Variants in GPRIN3 observed in about 807,000 individuals in gnomAD.
GPRIN3 encodes GPRIN family member 3.
A neutral mutation model predicts 13.7 loss-of-function variants in GPRIN3; 12 were observed. The observed-to-expected ratio is 0.87, with a 90% CI of 0.56 to 1.42. The LOEUF (loss-of-function observed/expected upper bound fraction) is 1.42. GPRIN3 is among the 40% of genes most tolerant of loss of function. The probability of loss-of-function intolerance (pLI) is 0.00; values close to 1 mark genes in which losing one functional copy is unlikely to be tolerated. For missense variants in GPRIN3, 1,009 were observed against 958.7 expected, an observed-to-expected ratio of 1.05 and a Z score of -0.69; for synonymous variants, 377 against 372.7, an observed-to-expected ratio of 1.01 and a Z score of -0.13.
At chr4:89,305,846 A>C (rs990493965) in intron 1 of GPRIN3, among the ~76,000 whole-genome samples, 15 of 152,232 alleles carry the variant, frequency 9.9e-5, no homozygotes, top group African/African-American at 3.4e-4. Context: ...ATTGACACTG[A>C]TCTGACTCAT....
chr4:89,269,319 T>A (rs774800073), intron 1 of GPRIN3, among the ~76,000 whole-genome samples: 18 of 152,094 alleles, frequency 1.2e-4, no homozygotes, highest in Non-Finnish European at 2.4e-4. Context: ...GCCTGCTGAA[T>A]GTGGGAAGCA....
chr4:89,262,441 T>C (rs1723657451), intron 1 of GPRIN3, among the ~76,000 whole-genome samples: 1 of 152,188 alleles, frequency 6.6e-6, no homozygotes, highest in Admixed American at 6.5e-5. Context: ...TATGAACTTA[T>C]TACCTACTCA....
At chr4:89,303,786 T>C (rs1479614412) in intron 1 of GPRIN3, among the ~76,000 whole-genome samples, 1 of 149,228 alleles carries the variant, frequency 6.7e-6, no homozygotes, top group Non-Finnish European at 1.5e-5. Context: ...ATATAAAATA[T>C]GTATATATGT....
chr4:89,307,625 C>G lies in GPRIN3; in HGVS notation c.-134G>C, dbSNP rs1041756241. 2 of 152,256 alleles carry G rather than the reference C, an allele frequency of 1.3e-5. No homozygotes were observed. Among genetic ancestry groups the G allele is most frequent in the Non-Finnish European group, 2.9e-5 (2 of 68,128 alleles). The allele number at this position is 152,256 out of a possible 1,614,324, so 9.4% of individuals were successfully genotyped here. A position where few individuals can be genotyped will look rare whatever the true frequency, so the allele number is the denominator to read the frequency against. On this transcript the variant is annotated 5_prime_UTR_variant, in exon 1 of 2. Transcript: ENST00000609438. ...GGGGGCGTCTCCTACCTGCTCTGCC[C>G]GGCTCCGCGGCGCGGCGGGGCCACT...
At chr4:89,273,781 A>G (rs889428596) in intron 1 of GPRIN3, among the ~76,000 whole-genome samples, 17 of 152,348 alleles carry the variant, frequency 1.1e-4, no homozygotes, top group Middle Eastern at 3.4e-3. Flanking sequence ...TCTCTGTGAT[A>G]TGACCTCACG....
chr4:89,256,419 T>A (rs1723467066), intron 1 of GPRIN3, among the ~76,000 whole-genome samples: 1 of 152,182 alleles, frequency 6.6e-6, no homozygotes, highest in Non-Finnish European at 1.5e-5. Context: ...GTTCCACTAC[T>A]ATGCCATGCT....
intron 1 of GPRIN3, among the ~76,000 whole-genome samples, chr4:89,306,359 G>T (rs1230379401): frequency 1.3e-5 from 2 of 152,170 alleles, no homozygotes; most frequent in Non-Finnish European, 2.9e-5. Context: ...AAAATATGCA[G>T]CAGCACCAAC....
intron 1 of GPRIN3, among the ~76,000 whole-genome samples, chr4:89,252,631 A>G (rs1189710261): frequency 6.6e-6 from 1 of 152,246 alleles, no homozygotes; most frequent in East Asian, 1.9e-4. Context: ...AATGTAATCC[A>G]GGTGATCTAC....
At chr4:89,292,829 A>G (rs768966308) in intron 1 of GPRIN3, among the ~76,000 whole-genome samples, 3 of 152,230 alleles carry the variant, frequency 2.0e-5, no homozygotes, top group Non-Finnish European at 4.4e-5. Flanking sequence ...GTAACATTAT[A>G]TTATATAAAC....
intron 1 of GPRIN3, among the ~76,000 whole-genome samples, chr4:89,259,093 A>C (rs4410493): frequency 0.014 from 2,162 of 152,344 alleles, 55 homozygotes; most frequent in African/African-American, 0.049. Flanking sequence ...TAAGTTTACT[A>C]TATGTTCCCC....
chr4:89,294,134 T>C (rs1046803676), intron 1 of GPRIN3, among the ~76,000 whole-genome samples: 35 of 152,234 alleles, frequency 2.3e-4, no homozygotes, highest in Non-Finnish European at 1.5e-5. Flanking sequence ...ACAATTAATT[T>C]GAACTTCGGC....
In GPRIN3 at chr4:89,242,736, T is replaced by A. The variant is rs555405124; in HGVS notation, c.*5044A>T. 53 of 152,328 alleles carry A rather than the reference T, an allele frequency of 3.5e-4. 1 individual carries two copies. Among genetic ancestry groups the A allele is most frequent in the African/African-American group, 1.3e-3 (53 of 41,580 alleles). The allele number at this position is 152,328 out of a possible 1,614,324, so 9.4% of individuals were successfully genotyped here. A position where few individuals can be genotyped will look rare whatever the true frequency, so the allele number is the denominator to read the frequency against. On this transcript the variant is annotated 3_prime_UTR_variant, in exon 2 of 2. Coordinates refer to ENST00000609438, the MANE Select transcript of GPRIN3 (RefSeq NM_198281.3). ...TGCCTCTTTTTGGCACATTATTGCT[T>A]GGCTTTAATTTCATATTCAACAGTC...
chr4:89,259,142 AT>A (rs57945451), intron 1 of GPRIN3, among the ~76,000 whole-genome samples: 3,842 of 152,282 alleles, frequency 0.025, 142 homozygotes, highest in African/African-American at 0.08. Context: ...AAGAAGTAAC[AT>A]TTAGCTAACT....
Position 89,248,682 on chromosome 4 carries a change from T to A in GPRIN3, c.1429A>T (p.Ser477Cys). ...AIDQISISACSQAETSYGLGK... is the reference protein window; with the variant it reads ...AIDQISISACCQAETSYGLGK... ...AATCCATAACTTGTTTCAGCTTGAC[T>A]GCATGCACTGATAGAAATCTGGTCA... is the stretch of plus-strand genomic sequence containing the variant. Residue 477 changes from serine to cysteine, a missense_variant, in exon 2 of 2, where the codon AGT (serine) becomes TGT (cysteine). Ser to Cys is a moderately radical substitution (Grantham distance 112). Coordinates refer to ENST00000609438, the MANE Select transcript of GPRIN3 (RefSeq NM_198281.3). 6.2e-7 allele frequency: 1 copy of A among 1,614,202 alleles called. No individual in the cohort carries two copies. Among genetic ancestry groups the A allele is most frequent in the African/African-American group, 1.3e-5 (1 of 75,048 alleles).
chr4:89,262,451 A>C (rs1723657792), intron 1 of GPRIN3, among the ~76,000 whole-genome samples: 1 of 152,168 alleles, frequency 6.6e-6, no homozygotes, highest in African/African-American at 2.4e-5. Context: ...TTACCTACTC[A>C]AAAATAATAA....
intron 1 of GPRIN3, among the ~76,000 whole-genome samples, chr4:89,304,255 T>C (rs1724977627): frequency 6.6e-6 from 1 of 152,224 alleles, no homozygotes; most frequent in South Asian, 2.1e-4. Context: ...GTCTATCAGA[T>C]CTGTCAGATC....
chr4:89,247,223 T>A lies in GPRIN3; in HGVS notation c.*557A>T, dbSNP rs1315955656. The stretch of plus-strand genomic sequence containing the variant: ...ATATTTCATATTTTACACATTTAAC[T>A]GTTTTTATTTAATGTTATCTGGCCT... On this transcript the variant is annotated 3_prime_UTR_variant, in exon 2 of 2. Transcript: ENST00000609438. 1.3e-5 allele frequency: 2 copies of A among 152,260 alleles called. No homozygotes were observed. The highest frequency in any genetic ancestry group is 2.9e-5 in the Non-Finnish European group (2 of 68,054). 9.4% of individuals were successfully genotyped at this position (152,260 alleles called of 1,614,324 possible). A position where few individuals can be genotyped will look rare whatever the true frequency, so the allele number is the denominator to read the frequency against.
At chr4:89,300,586 T>C (rs868485135) in intron 1 of GPRIN3, among the ~76,000 whole-genome samples, 1 of 152,114 alleles carries the variant, frequency 6.6e-6, no homozygotes, top group Non-Finnish European at 1.5e-5. Flanking sequence ...CCCAGACAGG[T>C]AAAGTGAAGA....
chr4:89,277,928 T>G (rs898190389), intron 1 of GPRIN3, among the ~76,000 whole-genome samples: 3 of 152,328 alleles, frequency 2.0e-5, no homozygotes, highest in African/African-American at 7.2e-5. Flanking sequence ...TTCCTGCTCC[T>G]CAGCTCAGAT....
Sources: allele counts gnomAD v4.1 joint callset (sites outside exome capture counted in the v4.1 genomes callset), GRCh38; gene constraint gnomAD v4.1.1; transcripts MANE v1.5; gene names NCBI Gene and HGNC (gene_info 2026-07-23, HGNC 2026-07-21).